Variants in ACTN3 observed in about 807,000 individuals in gnomAD.
ACTN3 encodes actinin alpha 3.
A neutral mutation model predicts 119.6 loss-of-function variants in ACTN3; 91 were observed. That is an observed-to-expected ratio of 0.76 (90% confidence interval 0.64 to 0.91). The LOEUF (loss-of-function observed/expected upper bound fraction) is 0.91. ACTN3 is among the 40% of genes least tolerant of loss of function. ACTN3 has a pLI of 0.00. For synonymous variants in ACTN3, 456 were observed against 478.8 expected (o/e 0.95, Z 0.62); for missense variants, 1,221 against 1,215.1 (o/e 1.00, Z -0.07).
At chr11:66,551,100 C>A in intron 1 of ACTN3, 139 bp from the exon 2 acceptor site, 1 of 731,612 alleles carries the variant, frequency 1.4e-6, no homozygotes, top group Non-Finnish European at 2.5e-6. Context: ...GGATGCACAG[C>A]AAGTCAGTGG....
At chr11:66,551,194 C>T (rs1404198330) in intron 1 of ACTN3, 45 bp from the exon 2 acceptor site, 1 of 1,396,698 alleles carries the variant, frequency 7.2e-7, no homozygotes, top group East Asian at 2.4e-5. Flanking sequence ...GCCCTACATC[C>T]CCCAGAGCCA....
intron 1 of ACTN3, among the ~76,000 whole-genome samples, chr11:66,547,966 T>C (rs1653803070): frequency 6.6e-6 from 1 of 151,984 alleles, no homozygotes; most frequent in Non-Finnish European, 1.5e-5. Context: ...AAAGGGAAAA[T>C]GATCCAGGCC....
upstream of ACTN3, chr11:66,546,630 G>T (rs1004521644): frequency 4.6e-6 from 7 of 1,534,494 alleles, no homozygotes; most frequent in African/African-American, 9.6e-5. Context: ...CTATTGTGGA[G>T]AGGAGTAAAC....
At chr11:66,555,774 G>A (rs538367838) in intron 7 of ACTN3, among the ~76,000 whole-genome samples, 4 of 152,220 alleles carry the variant, frequency 2.6e-5, no homozygotes, top group Non-Finnish European at 5.9e-5. Context: ...GGGCACTGCT[G>A]GAGAAGAACT....
Position 66,557,197 on chromosome 11 carries a change from TG to T in ACTN3, c.871del (p.Glu291ArgfsTer30). 6.4e-7 allele frequency: 1 copy of T among 1,553,606 alleles called. No individual in the cohort carries two copies. Among genetic ancestry groups the T allele is most frequent in the Non-Finnish European group, 8.7e-7 (1 of 1,148,114 alleles). On this transcript the variant is annotated frameshift_variant, in exon 9 of 21. Transcript: ENST00000513398. LOFTEE classifies it high-confidence loss of function. The part of the protein sequence containing the change: ...LAVNQENEKL[M>X]EEYEKLASEL... The stretch of plus-strand genomic sequence containing the variant: ...GTGAACCAGGAAAACGAGAAGCTGA[TG>T]GAGGAGTATGAGAAGCTTGCCAGTG...
intron 4 of ACTN3, 66 bp from the exon 5 acceptor site, chr11:66,554,470 A>AAAGAAGTGT: frequency 7.8e-7 from 1 of 1,276,494 alleles, no homozygotes; most frequent in South Asian, 1.5e-5. Context: ...AAAAAAAAAA[A>AAAGAAGTGT]AAGAAGTGTG....
In ACTN3 at chr11:66,554,523, C is replaced by G; in HGVS notation, c.470-13C>G. The G allele has an allele frequency of 6.3e-7, 1 of 1,595,660 alleles. No individual in the cohort carries two copies. The highest frequency in any genetic ancestry group is 8.6e-7 in the Non-Finnish European group (1 of 1,169,534). On this transcript the variant is annotated splice_polypyrimidine_tract_variant and intron_variant, in intron 4 of 20. Coordinates refer to ENST00000513398, the MANE Select transcript of ACTN3 (RefSeq NM_001104.4). ...CCCTTCCCAATGAATCCTCCCACCT[C>G]CCCCCGACCCAGAAACCTCAGCCAA...
At chr11:66,555,502 C>T (rs1292910029) in intron 7 of ACTN3, 135 bp downstream of exon 7, 4 of 850,148 alleles carry the variant, frequency 4.7e-6, no homozygotes, top group East Asian at 2.6e-5. Flanking sequence ...GGTCACAGTC[C>T]CCCTTCTCCA....
At chr11:66,551,496 C>T (rs1043226344) in intron 2 of ACTN3, 32 bp from the exon 3 acceptor site, 29 of 1,607,304 alleles carry the variant, frequency 1.8e-5, no homozygotes, top group Non-Finnish European at 2.5e-5. Context: ...CTCTCATGAC[C>T]TTTGGCCCTT....
At chr11:66,562,983 G>A (rs772033276) in intron 20 of ACTN3, 29 bp downstream of exon 20, 3 of 1,609,254 alleles carry the variant, frequency 1.9e-6, no homozygotes, top group Admixed American at 1.7e-5. Flanking sequence ...AGGGGCTGGT[G>A]GGCTAGGGCA....
chr11:66,559,913 G>C, intron 12 of ACTN3, 55 bp from the exon 13 acceptor site: 1 of 1,519,454 alleles, frequency 6.6e-7, no homozygotes, highest in Non-Finnish European at 8.9e-7. Flanking sequence ...TGGGAGTGCA[G>C]TTAGGACATC....
At chr11:66,559,500 T>C (rs1857691755) in intron 12 of ACTN3, 114 bp downstream of exon 12, 3 of 1,125,250 alleles carry the variant, frequency 2.7e-6, no homozygotes, top group Non-Finnish European at 3.6e-6. Context: ...CTGGGTTCTG[T>C]AACCCCGCCG....
At chr11:66,560,552 C>T in intron 14 of ACTN3, 21 bp from the exon 15 acceptor site, 1 of 1,597,888 alleles carries the variant, frequency 6.3e-7, no homozygotes, top group Non-Finnish European at 8.5e-7. Flanking sequence ...CCAGCTGACA[C>T]TTCCTGCCTG....
intron 9 of ACTN3, 146 bp downstream of exon 9, chr11:66,557,371 C>T: frequency 2.8e-6 from 2 of 724,270 alleles, no homozygotes; most frequent in Non-Finnish European, 2.3e-6. Flanking sequence ...CATCCCCACC[C>T]ATCACCTGCC....
Position 66,546,959 on chromosome 11 carries a change from G to A in ACTN3, c.22G>A (p.Glu8Lys), listed in dbSNP as rs762846713. The change falls in exon 1 of 21, where the codon GAG becomes AAG. Residue 8 changes from glutamate (E) to lysine (K), a missense_variant. Glu to Lys is a moderately conservative substitution (Grantham distance 56). Transcript: ENST00000513398. ...CGAGATGATGATGGTTATGCAGCCC[G>A]AGGGTCTGGGGGCCGGGGAGGGGCG... is the stretch of plus-strand genomic sequence containing the variant. Reference protein sequence around the residue: MMMVMQPEGLGAGEGRFA... With the variant: MMMVMQPKGLGAGEGRFA... 15 of 1,533,306 alleles carry A rather than the reference G, an allele frequency of 9.8e-6. No homozygotes were observed. Among genetic ancestry groups the A allele is most frequent in the Non-Finnish European group, 1.2e-5 (14 of 1,144,568 alleles). The allele number at this position is 1,533,306 out of a possible 1,614,324, so 95.0% of individuals were successfully genotyped here. A position where few individuals can be genotyped will look rare whatever the true frequency, so the allele number is the denominator to read the frequency against.
chr11:66,552,849 CTG>C (rs1857502154), intron 3 of ACTN3, among the ~76,000 whole-genome samples: 1 of 102,732 alleles, frequency 9.7e-6, no homozygotes, highest in Non-Finnish European at 2.0e-5. Context: ...AAGAGAGACT[CTG>C]TCTCTCTCTC....
chr11:66,556,188 C>A lies in ACTN3; in HGVS notation c.762C>A (p.Thr254=), dbSNP rs751379480. ...AGCCGGATGAGAAGGCCATCATGAC[C>A]TATGTGTCCTGCTTCTACCATGCCT... ...TPKPDEKAIM[T]YVSCFYHAFA... The change falls in exon 8 of 21, where the codon ACC becomes ACA. Residue 254 remains threonine, a synonymous_variant. Transcript: ENST00000513398. 3 of 1,613,934 alleles carry A rather than the reference C, an allele frequency of 1.9e-6. No individual in the cohort carries two copies. Among genetic ancestry groups the A allele is most frequent in the Non-Finnish European group, 2.5e-6 (3 of 1,179,920 alleles).
At chr11:66,553,058 C>T (rs1010274235) in intron 3 of ACTN3, among the ~76,000 whole-genome samples, 1 of 151,736 alleles carries the variant, frequency 6.6e-6, no homozygotes, top group African/African-American at 2.4e-5. Flanking sequence ...AGTTCGAGAC[C>T]AGCCTGGCCA....
intron 12 of ACTN3, 127 bp downstream of exon 12, chr11:66,559,513 G>C: frequency 1.0e-6 from 1 of 992,572 alleles, no homozygotes; most frequent in Non-Finnish European, 1.4e-6. Context: ...CCCCGCCGTG[G>C]TACCCAGGTC....
Sources: gnomAD v4.1 joint callset for allele counts (sites outside exome capture counted in the v4.1 genomes callset) on GRCh38, gnomAD v4.1.1 for gene constraint, MANE v1.5 for transcripts, NCBI Gene and HGNC (gene_info 2026-07-23, HGNC 2026-07-21) for gene names.